Variants in METTL24 observed in about 807,000 individuals in gnomAD.
METTL24 encodes probable methyltransferase-like protein 24.
In METTL24, 29 loss-of-function variants were observed where a neutral mutation model predicts 32.7. That is an observed-to-expected ratio of 0.89 (90% CI 0.66 to 1.21). METTL24 has a LOEUF of 1.21. Among genes scored for constraint, METTL24 ranks in the 50% most tolerant of loss-of-function variants. The pLI, the probability that METTL24 is intolerant of heterozygous loss-of-function variation, is 0.00. For missense variants in METTL24, 439 were observed against 468.1 expected (o/e 0.94, Z 0.57); for synonymous variants, 163 against 179.5 (o/e 0.91, Z 0.73).
intron 4 of METTL24, 120 bp from the exon 5 acceptor site, chr6:110,246,380 G>T: frequency 1.2e-6 from 1 of 855,670 alleles, no homozygotes; most frequent in Non-Finnish European, 1.7e-6. Context: ...AGCTGAGGGT[G>T]GTTTTCAAGT....
chr6:110,250,988 G>A (rs919125378), intron 4 of METTL24, among the ~76,000 whole-genome samples: 23 of 152,220 alleles, frequency 1.5e-4, no homozygotes, highest in African/African-American at 4.8e-4. Flanking sequence ...AGCAAAACAC[G>A]TAGATTCTAC....
Position 110,298,925 on chromosome 6 carries a change from G to A in METTL24, c.783C>T (p.His261=). 2 of 1,613,634 alleles carry A rather than the reference G, an allele frequency of 1.2e-6. No homozygotes were observed. The highest frequency in any genetic ancestry group is 2.2e-5 in the East Asian group (1 of 44,870). ...LGSILNEFGH[H]KIDVLKADLE... ...AAAATCAAATGAAAAACCTCACCTT[G>A]TGATGTCCAAATTCATTCAAAATGC... The change falls in exon 4 of 5, where the codon CAC becomes CAT. Residue 261 remains histidine, a synonymous_variant. Transcript: ENST00000338882.
At chr6:110,335,373 A>T (rs1300595034) in intron 1 of METTL24, among the ~76,000 whole-genome samples, 1 of 152,208 alleles carries the variant, frequency 6.6e-6, no homozygotes. Context: ...ATAACATAGC[A>T]GATCTAAGCT....
intron 1 of METTL24, among the ~76,000 whole-genome samples, chr6:110,323,845 G>A (rs1348865587): frequency 1.3e-5 from 2 of 152,100 alleles, no homozygotes; most frequent in African/African-American, 4.8e-5. Context: ...CTGCAGTGTA[G>A]TGAGAATGGG....
chr6:110,279,200 C>A (rs1185611038), intron 4 of METTL24, among the ~76,000 whole-genome samples: 1 of 152,086 alleles, frequency 6.6e-6, no homozygotes, highest in African/African-American at 2.4e-5. Flanking sequence ...CTGTGAGCTG[C>A]TATGGAAAAA....
At chr6:110,247,474 G>A (rs757386948) in intron 4 of METTL24, among the ~76,000 whole-genome samples, 4 of 152,208 alleles carry the variant, frequency 2.6e-5, no homozygotes, top group Admixed American at 6.5e-5. Flanking sequence ...TCTGGAGAGC[G>A]AATATGGGTC....
At chr6:110,253,052 C>T (rs562571382) in intron 4 of METTL24, among the ~76,000 whole-genome samples, 62 of 152,258 alleles carry the variant, frequency 4.1e-4, no homozygotes, top group African/African-American at 1.3e-3. Context: ...TTCTAAGTGG[C>T]GTTCAAGCGT....
At position 110,299,123 on chromosome 6, in the gene METTL24, C is replaced by T. The variant is rs2114732076; in HGVS notation, c.585G>A (p.Glu195=). 1 of 1,614,000 alleles carries T rather than the reference C, an allele frequency of 6.2e-7. No individual in the cohort carries two copies. The highest frequency in any genetic ancestry group is 8.5e-7 in the Non-Finnish European group (1 of 1,180,004). Residue 195 remains glutamate, a synonymous_variant, in exon 4 of 5, where the codon GAG becomes GAA. Coordinates refer to ENST00000338882, the MANE Select transcript of METTL24 (RefSeq NM_001123364.3). Reference sequence around the variant, plus strand: ...CACATCCGTTGTTGGCCATGCTAACCTCAAAATGGGTATCATCACTTCCTA... The same window carrying T: ...CACATCCGTTGTTGGCCATGCTAACTTCAAAATGGGTATCATCACTTCCTA... ...LGLGSDDTHF[E]VSMANNGCEV...
At chr6:110,257,723 T>C (rs1269294873) in intron 4 of METTL24, among the ~76,000 whole-genome samples, 1 of 152,222 alleles carries the variant, frequency 6.6e-6, no homozygotes, top group Non-Finnish European at 1.5e-5. Context: ...TAACACCAGG[T>C]GAGCTTTTCA....
At chr6:110,326,020 C>G (rs1772010756) in intron 1 of METTL24, among the ~76,000 whole-genome samples, 1 of 152,212 alleles carries the variant, frequency 6.6e-6, no homozygotes, top group South Asian at 2.1e-4. Context: ...TGTGGCCCTC[C>G]TGTCTCTCAC....
At chr6:110,298,680 C>G (rs1008258462) in intron 4 of METTL24, among the ~76,000 whole-genome samples, 3 of 152,148 alleles carry the variant, frequency 2.0e-5, no homozygotes, top group Non-Finnish European at 4.4e-5. Context: ...CTTGCCTAGT[C>G]TTGGACAAGA....
chr6:110,321,822 G>C (rs1211692559), intron 2 of METTL24, among the ~76,000 whole-genome samples: 1 of 152,156 alleles, frequency 6.6e-6, no homozygotes, highest in African/African-American at 2.4e-5. Context: ...CTAAAGATCT[G>C]GAAATATATT....
At chr6:110,284,258 A>G (rs943767605) in intron 4 of METTL24, among the ~76,000 whole-genome samples, 7 of 152,312 alleles carry the variant, frequency 4.6e-5, no homozygotes, top group African/African-American at 1.7e-4. Context: ...CTGTTTTGCA[A>G]AATGAAAAAG....
intron 1 of METTL24, among the ~76,000 whole-genome samples, chr6:110,333,992 T>C (rs1407496493): frequency 6.6e-6 from 1 of 151,972 alleles, no homozygotes; most frequent in Non-Finnish European, 1.5e-5. Context: ...AGAAGTTATA[T>C]ATTCTATTTT....
intron 4 of METTL24, among the ~76,000 whole-genome samples, chr6:110,268,923 T>C (rs1770906674): frequency 6.6e-6 from 1 of 152,194 alleles, no homozygotes; most frequent in Admixed American, 6.6e-5. Flanking sequence ...TGGATTATGC[T>C]ATTCTCTTTC....
chr6:110,324,551 T>C (rs1047357006), intron 1 of METTL24, among the ~76,000 whole-genome samples: 1 of 152,230 alleles, frequency 6.6e-6, no homozygotes, highest in Admixed American at 6.5e-5. Context: ...CTAGAGTCAG[T>C]CAAAATTCTT....
At chr6:110,295,230 G>T (rs540664323) in intron 4 of METTL24, among the ~76,000 whole-genome samples, 5 of 151,926 alleles carry the variant, frequency 3.3e-5, no homozygotes, top group African/African-American at 1.2e-4. Context: ...TAAATCTTTT[G>T]TAGAGATGGG....
chr6:110,277,961 A>G (rs17071372), intron 4 of METTL24, among the ~76,000 whole-genome samples: 13,833 of 152,140 alleles, frequency 0.091, 1,153 homozygotes, highest in African/African-American at 0.23. Flanking sequence ...TTCACATGAT[A>G]AATTTTCCTC....
chr6:110,270,287 C>T (rs1188673288), intron 4 of METTL24, among the ~76,000 whole-genome samples: 1 of 151,722 alleles, frequency 6.6e-6, no homozygotes, highest in Non-Finnish European at 1.5e-5. Flanking sequence ...ACTCATCCTC[C>T]TTCCTTAAAG....
Sources: allele counts gnomAD v4.1 joint callset (sites outside exome capture counted in the v4.1 genomes callset), GRCh38; gene constraint gnomAD v4.1.1; transcripts MANE v1.5; gene names NCBI Gene and HGNC (gene_info 2026-07-23, HGNC 2026-07-21).